The following ATM variants were observed in gnomAD, a reference collection of about 807,000 sequenced individuals.
The protein encoded by ATM is serine-protein kinase ATM.
In ATM, 308 loss-of-function variants were observed where a neutral mutation model predicts 387.0. That is an observed-to-expected ratio of 0.80 (90% CI 0.73 to 0.87). The LOEUF is 0.87. ATM is among the 40% of genes least tolerant of loss of function. The pLI is 0.00. For synonymous variants in ATM, 1,156 were observed against 1,187.3 expected (o/e 0.97, Z 0.54); for missense variants, 3,312 against 3,560.9 (o/e 0.93, Z 1.78).
chr11:108,261,664 T>C (rs1037513686), intron 16 of ATM, among the ~76,000 whole-genome samples: 56 of 152,050 alleles, frequency 3.7e-4, no homozygotes, highest in Admixed American at 1.2e-3. Context: ...AGAAGAAGGC[T>C]TCAGACGATC....
At chr11:108,297,468 T>C in intron 33 of ATM, 86 bp downstream of exon 33, 2 of 1,145,698 alleles carry the variant, frequency 1.7e-6, no homozygotes, top group Non-Finnish European at 2.6e-6. Context: ...TTTTACTGTA[T>C]GTTTTCTGTT....
intron 53 of ATM, among the ~76,000 whole-genome samples, chr11:108,333,503 CAT>C (rs1565537698): frequency 6.6e-6 from 1 of 152,168 alleles, no homozygotes; most frequent in Non-Finnish European, 1.5e-5. Flanking sequence ...TGGGACTTCA[CAT>C]ATTGTTTCTC....
chr11:108,304,414 G>A (rs1251921884), intron 36 of ATM, among the ~76,000 whole-genome samples: 3 of 152,032 alleles, frequency 2.0e-5, no homozygotes, highest in Non-Finnish European at 4.4e-5. Context: ...TTATGGTAAT[G>A]GCCTAGACTG....
At chr11:108,333,823 C>G (rs918711384) in intron 53 of ATM, 63 bp from the exon 54 acceptor site, 2 of 1,304,664 alleles carry the variant, frequency 1.5e-6, no homozygotes, top group Non-Finnish European at 1.1e-6. Flanking sequence ...GCTGACTATT[C>G]CTGCTTGACC....
At chr11:108,334,901 A>C in intron 54 of ATM, 68 bp from the exon 55 acceptor site, 1 of 1,520,430 alleles carries the variant, frequency 6.6e-7, no homozygotes, top group Non-Finnish European at 9.1e-7. Context: ...TGCCATTTAT[A>C]ATGTATTTTT....
At chr11:108,250,604 A>G (rs2135311821) in intron 9 of ATM, 97 bp from the exon 10 acceptor site, 1 of 1,290,528 alleles carries the variant, frequency 7.7e-7, no homozygotes, top group Admixed American at 1.9e-5. Context: ...GTGATTCTCT[A>G]ATTAGGATAT....
chr11:108,293,600 C>T (rs2082935617), intron 31 of ATM, 123 bp downstream of exon 31: 9 of 904,144 alleles, frequency 1.0e-5, no homozygotes, highest in South Asian at 7.5e-5. Flanking sequence ...AAAATATATA[C>T]GTAGGCCAGG....
chr11:108,366,277 T>C lies in ATM; in HGVS notation c.*769T>C, dbSNP rs2091325286. On this transcript the variant is annotated 3_prime_UTR_variant, in exon 63 of 63. Transcript: ENST00000675843. ...ATTGCCTTCTAGTTCATGAATTCTCTTGTCAGATGTATATAATCTCTTTTA... is the reference window on the plus strand; with the variant it reads ...ATTGCCTTCTAGTTCATGAATTCTCCTGTCAGATGTATATAATCTCTTTTA... The C allele has an allele frequency of 4.9e-6, 1 of 205,990 alleles. No individual in the cohort carries two copies. The highest frequency in any genetic ancestry group is 9.9e-6 in the Non-Finnish European group (1 of 100,798). The allele number at this position is 205,990 out of a possible 1,614,324, so 12.8% of individuals were successfully genotyped here.
chr11:108,227,740 A>G (rs2135008919), intron 2 of ATM, 36 bp from the exon 3 acceptor site: 1 of 1,611,710 alleles, frequency 6.2e-7, no homozygotes, highest in Admixed American at 1.7e-5. Context: ...AATAAGTGTG[A>G]TTAGTAACCC....
chr11:108,309,136 G>A, intron 38 of ATM: 1 of 924,924 alleles, frequency 1.1e-6, no homozygotes, highest in South Asian at 1.4e-5. Context: ...CCAAGCTTGT[G>A]CTGTGTAAAA....
intron 45 of ATM, among the ~76,000 whole-genome samples, chr11:108,324,443 A>G (rs1378602713): frequency 6.6e-6 from 1 of 152,146 alleles, no homozygotes; most frequent in Non-Finnish European, 1.5e-5. Flanking sequence ...CTAATATGAT[A>G]TCATATCTAA....
intron 59 of ATM, 68 bp downstream of exon 59, chr11:108,347,433 C>G (rs2088583059): frequency 2.6e-5 from 33 of 1,271,950 alleles, no homozygotes; most frequent in Non-Finnish European, 3.8e-5. Context: ...TGTTGTTTGC[C>G]TACCAAGATA....
intron 4 of ATM, among the ~76,000 whole-genome samples, chr11:108,234,861 G>A (rs1226028729): frequency 6.6e-6 from 1 of 151,320 alleles, no homozygotes; most frequent in Non-Finnish European, 1.5e-5. Context: ...ATTACAACCT[G>A]AGGTGTTTGT....
At chr11:108,237,351 C>T (rs74966534) in intron 5 of ATM, among the ~76,000 whole-genome samples, 1 of 152,112 alleles carries the variant, frequency 6.6e-6, no homozygotes, top group Non-Finnish European at 1.5e-5. Context: ...TTATCACTTA[C>T]AACCATGGCT....
intron 16 of ATM, among the ~76,000 whole-genome samples, chr11:108,262,027 G>A (rs983212291): frequency 1.6e-4 from 24 of 152,064 alleles, no homozygotes; most frequent in Non-Finnish European, 3.1e-4. Flanking sequence ...TGAAAGTAAC[G>A]GGGAGAATGG....
chr11:108,235,933 C>T, intron 5 of ATM, 99 bp downstream of exon 5: 1 of 1,358,276 alleles, frequency 7.4e-7, no homozygotes, highest in Non-Finnish European at 1.1e-6. Context: ...CCCCAAGTGA[C>T]CTGACAGTTT....
At position 108,365,552 on chromosome 11, in the gene ATM, A is replaced by G. The variant is rs55900855; in HGVS notation, c.*44A>G. ...CCCTTTCATTCAGCCTTTAGAAATT[A>G]TATTTTAGCCTTTATTTTTAACCTG... On this transcript the variant is annotated 3_prime_UTR_variant, in exon 63 of 63. Coordinates refer to ENST00000675843, the MANE Select transcript of ATM (RefSeq NM_000051.4). The G allele has an allele frequency of 1.6e-3, 2,591 of 1,590,728 alleles. 16 individuals are homozygous for G. In the African/African-American group the frequency reaches 0.018, roughly 11 times the overall value.
At chr11:108,228,090 A>G (rs575533134) in intron 3 of ATM, among the ~76,000 whole-genome samples, 1 of 152,350 alleles carries the variant, frequency 6.6e-6, no homozygotes, top group South Asian at 2.1e-4. Context: ...AAAATTATAA[A>G]TTATTTCTTC....
chr11:108,229,613 A>C, intron 4 of ATM: 1 of 288,112 alleles, frequency 3.5e-6, no homozygotes, highest in Non-Finnish European at 6.5e-6. Context: ...CCTGATTTTT[A>C]ATATTACAAG....
Sources: gnomAD v4.1 joint callset for allele counts (sites outside exome capture counted in the v4.1 genomes callset) on GRCh38, gnomAD v4.1.1 for gene constraint, MANE v1.5 for transcripts, NCBI Gene and HGNC (gene_info 2026-07-23, HGNC 2026-07-21) for gene names.